The following PRKCB variants were observed in gnomAD, a reference collection of about 807,000 sequenced individuals.
PRKCB encodes protein kinase C beta type.
In PRKCB, 13 loss-of-function variants were observed where a neutral mutation model predicts 81.5. The observed-to-expected ratio is 0.16, with a 90% CI of 0.10 to 0.25. PRKCB has a LOEUF of 0.25. Ranked by LOEUF, PRKCB falls within the 10% of genes least tolerant of loss-of-function variation. PRKCB has a pLI of 1.00. For synonymous variants in PRKCB, 335 were observed against 321.4 expected, an observed-to-expected ratio of 1.04 and a Z score of -0.45; for missense variants, 509 against 875.7, an observed-to-expected ratio of 0.58 and a Z score of 5.29.
intron 2 of PRKCB, among the ~76,000 whole-genome samples, chr16:23,975,797 C>A (rs768347892): frequency 3.9e-5 from 6 of 152,132 alleles, no homozygotes; most frequent in Admixed American, 6.5e-5. Context: ...AATAAGGGCC[C>A]CCACGGCCCA....
intron 2 of PRKCB, among the ~76,000 whole-genome samples, chr16:23,978,590 G>A (rs1473389306): frequency 6.6e-6 from 1 of 152,208 alleles, no homozygotes; most frequent in East Asian, 1.9e-4. Context: ...TAGGGAATGT[G>A]TAAAATACAT....
Position 24,105,516 on chromosome 16 carries a change from A to G in PRKCB, c.822-7457A>G, listed in dbSNP as rs992270982. On this transcript the variant is annotated intron_variant, in intron 7 of 16. Transcript: ENST00000643927. ...CCGCATGCATTAGGTATTTGTCTTA[A>G]TGCTCTCCCTCCCCTTGCCCCTCAC... Among the ~76,000 whole-genome samples, 15 of 152,144 alleles carry G rather than the reference A, an allele frequency of 9.9e-5. No individual in the cohort carries two copies. In the South Asian group the frequency reaches 3.1e-3, roughly 32 times the overall value.
At chr16:23,949,670 C>G (rs1286386596) in intron 2 of PRKCB, among the ~76,000 whole-genome samples, 5 of 152,224 alleles carry the variant, frequency 3.3e-5, no homozygotes, top group Non-Finnish European at 7.3e-5. Context: ...CAGCAGTGAA[C>G]TAGCCAGACA....
At chr16:24,151,004 C>A (rs992657812) in intron 9 of PRKCB, among the ~76,000 whole-genome samples, 1 of 152,156 alleles carries the variant, frequency 6.6e-6, no homozygotes, top group African/African-American at 2.4e-5. Flanking sequence ...AATAGTATCT[C>A]CTACGATGCG....
At chr16:24,176,060 A>G (rs1374712179) in intron 12 of PRKCB, among the ~76,000 whole-genome samples, 1 of 151,330 alleles carries the variant, frequency 6.6e-6, no homozygotes, top group African/African-American at 2.4e-5. Flanking sequence ...GGATGCTGGT[A>G]GGATGGAGAA....
intron 2 of PRKCB, among the ~76,000 whole-genome samples, chr16:23,923,535 A>T (rs1963855600): frequency 6.6e-6 from 1 of 152,118 alleles, no homozygotes; most frequent in African/African-American, 2.4e-5. Context: ...GTGGACCAAG[A>T]GTGGGAAAGG....
intron 2 of PRKCB, among the ~76,000 whole-genome samples, chr16:23,857,234 A>G (rs368001367): frequency 6.6e-6 from 1 of 152,170 alleles, no homozygotes; most frequent in East Asian, 1.9e-4. Context: ...CACTCGGGTG[A>G]AGTGTCAGAG....
intron 16 of PRKCB, among the ~76,000 whole-genome samples, chr16:24,213,290 C>T (rs1350825184): frequency 6.6e-6 from 1 of 152,166 alleles, no homozygotes; most frequent in East Asian, 1.9e-4. Flanking sequence ...GCCTCCTCCT[C>T]CCAAAGTGCT....
At chr16:24,109,073 C>A (rs746442527) in intron 7 of PRKCB, among the ~76,000 whole-genome samples, 387 of 136,614 alleles carry the variant, frequency 2.8e-3, no homozygotes, top group Middle Eastern at 3.7e-3. Context: ...GCTGGCCGGG[C>A]AGAGGGGCTC....
chr16:23,945,747 G>GAA (rs1475922357), intron 2 of PRKCB, among the ~76,000 whole-genome samples: 1 of 151,902 alleles, frequency 6.6e-6, no homozygotes, highest in Non-Finnish European at 1.5e-5. Context: ...AAAAGAAAAA[G>GAA]AAAACAAAAA....
intron 9 of PRKCB, among the ~76,000 whole-genome samples, chr16:24,134,507 G>A (rs536918454): frequency 3.9e-5 from 6 of 152,168 alleles, no homozygotes; most frequent in Non-Finnish European, 4.4e-5. Context: ...AGCACTTTGG[G>A]AGGCTGAGGC....
intron 16 of PRKCB, among the ~76,000 whole-genome samples, chr16:24,200,117 T>C (rs1373050828): frequency 6.6e-6 from 1 of 152,194 alleles, no homozygotes; most frequent in Non-Finnish European, 1.5e-5. Context: ...AGGGCTTTGA[T>C]TTTGAGGCTG....
intron 2 of PRKCB, among the ~76,000 whole-genome samples, chr16:23,937,876 G>A (rs1002917216): frequency 6.6e-6 from 1 of 152,176 alleles, no homozygotes; most frequent in African/African-American, 2.4e-5. Flanking sequence ...GGGAACTGCT[G>A]GTGGTGAATT....
At chr16:24,021,301 T>C (rs190634594) in intron 3 of PRKCB, among the ~76,000 whole-genome samples, 1,753 of 18,818 alleles carry the variant, frequency 0.093, 197 homozygotes, top group African/African-American at 0.28. Context: ...CTCCCTTCCT[T>C]CCTTCCTTCC....
intron 2 of PRKCB, among the ~76,000 whole-genome samples, chr16:23,918,093 G>A (rs1270317583): frequency 1.3e-5 from 2 of 152,174 alleles, no homozygotes; most frequent in African/African-American, 4.8e-5. Context: ...AGAGCCGGCT[G>A]GGGATTGTTT....
chr16:23,868,660 T>G (rs575032438), intron 2 of PRKCB, among the ~76,000 whole-genome samples: 1 of 152,350 alleles, frequency 6.6e-6, no homozygotes, highest in East Asian at 1.9e-4. Flanking sequence ...TGATATCAAT[T>G]AATAGAACCA....
chr16:23,988,776 G>A (rs1964834699), intron 3 of PRKCB, among the ~76,000 whole-genome samples, 186 bp downstream of exon 3: 1 of 152,128 alleles, frequency 6.6e-6, no homozygotes, highest in South Asian at 2.1e-4. Context: ...AGTGTGGCTG[G>A]ATAGGAAGTC....
At position 24,190,973 on chromosome 16, in the gene PRKCB, G is replaced by A. The variant is rs867496090; in HGVS notation, c.1723-117G>A. The A allele has an allele frequency of 8.1e-5, 105 of 1,298,466 alleles. 2 individuals carry two copies. The South Asian group carries it at 1.5e-3, about 18-fold the overall frequency. 80.4% of individuals were successfully genotyped at this position (1,298,466 alleles called of 1,614,324 possible). ...GGGATAAAAAGCAAAAAACAAAAAT[G>A]AGTTGAGATTCTTCATTTGCGCTTT... On this transcript the variant is annotated intron_variant, in intron 15 of 16. Coordinates refer to ENST00000643927, the MANE Select transcript of PRKCB (RefSeq NM_002738.7).
chr16:24,032,068 C>T (rs979507929), intron 3 of PRKCB, 68 bp from the exon 4 acceptor site: 42 of 1,145,076 alleles, frequency 3.7e-5, no homozygotes, highest in East Asian at 1.2e-4. Context: ...CAGTGCCTCT[C>T]GATGTAGGAT....
Sources: gnomAD v4.1 joint callset for allele counts (sites outside exome capture counted in the v4.1 genomes callset) on GRCh38, gnomAD v4.1.1 for gene constraint, MANE v1.5 for transcripts, NCBI Gene and HGNC (gene_info 2026-07-23, HGNC 2026-07-21) for gene names.